ALMS1: variants seen among roughly 807,000 people sequenced by gnomAD.
The protein encoded by ALMS1 is centrosome-associated protein ALMS1.
A neutral mutation model predicts 352.2 loss-of-function variants in ALMS1; 271 were observed. That is an observed-to-expected ratio of 0.77 (90% CI 0.70 to 0.85). The LOEUF (loss-of-function observed/expected upper bound fraction) is 0.85. Among genes scored for constraint, ALMS1 ranks in the 40% least tolerant of loss-of-function variants. The pLI, the probability that ALMS1 is intolerant of heterozygous loss-of-function variation, is 0.00. For missense variants in ALMS1, 5,445 were observed against 4,870.7 expected, an observed-to-expected ratio of 1.12 and a Z score of -3.51; for synonymous variants, 1,865 against 1,761.2, an observed-to-expected ratio of 1.06 and a Z score of -1.48.
intron 9 of ALMS1, among the ~76,000 whole-genome samples, chr2:73,478,383 A>G (rs1363327587): frequency 6.6e-6 from 1 of 152,210 alleles, no homozygotes; most frequent in African/African-American, 2.4e-5. Context: ...TAGAGCATGA[A>G]GTGTTAAAAA....
At chr2:73,409,748 G>GTA (rs906119959) in intron 2 of ALMS1, among the ~76,000 whole-genome samples, 15 of 152,104 alleles carry the variant, frequency 9.9e-5, no homozygotes, top group African/African-American at 2.9e-4. Context: ...GTGTGTATGT[G>GTA]TATATATATA....
In ALMS1 at chr2:73,387,774, G is replaced by T. The variant is rs565533283; in HGVS notation, c.324+1582G>T. ...CAGCTGTGATAGCAAGGTGGGATGGGGAGCAGTAGCCATAGGTCAAGGGCA... is the reference window on the plus strand; with the variant it reads ...CAGCTGTGATAGCAAGGTGGGATGGTGAGCAGTAGCCATAGGTCAAGGGCA... On this transcript the variant is annotated intron_variant, in intron 1 of 22. Coordinates refer to ENST00000613296, the MANE Select transcript of ALMS1 (RefSeq NM_001378454.1). Among the ~76,000 whole-genome samples the T allele has an allele frequency of 3.9e-5, 6 of 152,282 alleles. No individual in the cohort carries two copies. The South Asian group carries it at 1.2e-3, about 32-fold the overall frequency.
chr2:73,493,309 G>A (rs1479157861), intron 10 of ALMS1, among the ~76,000 whole-genome samples: 1 of 149,704 alleles, frequency 6.7e-6, no homozygotes, highest in Admixed American at 6.7e-5. Flanking sequence ...TTTGAACCTA[G>A]GTTTATCAAA....
intron 11 of ALMS1, among the ~76,000 whole-genome samples, chr2:73,523,641 C>G (rs980462458): frequency 2.0e-5 from 3 of 152,116 alleles, no homozygotes; most frequent in Non-Finnish European, 4.4e-5. Context: ...ATGGCACATG[C>G]CTGTAATCCC....
At chr2:73,568,553 C>T (rs1674849545) in intron 15 of ALMS1, among the ~76,000 whole-genome samples, 1 of 152,054 alleles carries the variant, frequency 6.6e-6, no homozygotes, top group Admixed American at 6.5e-5. Flanking sequence ...CAAAATCTTG[C>T]TTTGAACAAG....
At chr2:73,588,981 A>T (rs1487288326) in intron 16 of ALMS1, among the ~76,000 whole-genome samples, 2 of 152,306 alleles carry the variant, frequency 1.3e-5, no homozygotes, top group East Asian at 3.9e-4. Context: ...CTATGTATAC[A>T]TATTATAATC....
intron 1 of ALMS1, among the ~76,000 whole-genome samples, chr2:73,404,899 CTTTTTTTTT>C (rs58122480): frequency 0.035 from 2,117 of 60,632 alleles, 13 homozygotes; most frequent in Non-Finnish European, 0.05. Context: ...TGTCCTGGAC[CTTTTTTTTT>C]TTTTTTTTTT....
At chr2:73,602,524 T>C (rs1181378083) in intron 20 of ALMS1, among the ~76,000 whole-genome samples, 156 bp downstream of exon 20, 5 of 152,292 alleles carry the variant, frequency 3.3e-5, no homozygotes, top group East Asian at 3.9e-4. Flanking sequence ...GCTAGCAGAA[T>C]CTCCCCAACT....
At chr2:73,397,411 A>G (rs1670785131) in intron 1 of ALMS1, among the ~76,000 whole-genome samples, 1 of 150,130 alleles carries the variant, frequency 6.7e-6, no homozygotes, top group African/African-American at 2.5e-5. Flanking sequence ...TGGGGATGGG[A>G]GTGATTACTT....
At position 73,579,676 on chromosome 2, in the gene ALMS1, T is replaced by C. The variant is rs567394071; in HGVS notation, c.11547+6252T>C. Among the ~76,000 whole-genome samples the C allele has an allele frequency of 3.9e-5, 6 of 152,338 alleles. No homozygotes were observed. In the East Asian group the frequency reaches 1.2e-3, roughly 29 times the overall value. Reference sequence around the variant, plus strand: ...AGGTAGATTTCTTGTCTTACACTTTTTATCTTTCATCATTTCAAATATGTC... The same window carrying C: ...AGGTAGATTTCTTGTCTTACACTTTCTATCTTTCATCATTTCAAATATGTC... On this transcript the variant is annotated intron_variant, in intron 16 of 22. Transcript: ENST00000613296.
chr2:73,386,079 G>C lies in ALMS1; in HGVS notation c.211G>C (p.Glu71Gln), dbSNP rs757131983. 3 of 1,595,902 alleles carry C rather than the reference G, an allele frequency of 1.9e-6. No individual in the cohort carries two copies. Among genetic ancestry groups the C allele is most frequent in the African/African-American group, 1.3e-5 (1 of 74,614 alleles). ...CCAGCATCTGGAAAGTATAGACGAC[G>C]AGGAGGACGAGGAGGCCAAGGCCTG... Reference protein sequence around the residue: ...GPQHLESIDDEEDEEAKAWLQ... With the variant: ...GPQHLESIDDQEDEEAKAWLQ... Residue 71 changes from glutamate to glutamine, a missense_variant, in exon 1 of 23, where the codon GAG (glutamate) becomes CAG (glutamine). Physicochemically the swap from Glu to Gln is conservative, Grantham distance 29. Coordinates refer to ENST00000613296, the MANE Select transcript of ALMS1 (RefSeq NM_001378454.1).
chr2:73,455,102 A>C, intron 8 of ALMS1, 60 bp from the exon 9 acceptor site: 1 of 1,576,958 alleles, frequency 6.3e-7, no homozygotes, highest in Non-Finnish European at 8.7e-7. Flanking sequence ...TCTGTGTTGC[A>C]ATTGTTGACA....
intron 13 of ALMS1, among the ~76,000 whole-genome samples, chr2:73,556,776 C>G (rs1188034767): frequency 6.6e-6 from 1 of 151,972 alleles, no homozygotes; most frequent in East Asian, 1.9e-4. Context: ...AGTCTCAGCT[C>G]ACTGCAGCCT....
At chr2:73,551,944 A>G (rs1674445654) in intron 13 of ALMS1, among the ~76,000 whole-genome samples, 1 of 152,136 alleles carries the variant, frequency 6.6e-6, no homozygotes, top group Non-Finnish European at 1.5e-5. Context: ...GCAGTTTTTA[A>G]ATGTAGGGTG....
intron 9 of ALMS1, among the ~76,000 whole-genome samples, chr2:73,486,972 C>T (rs1040520247): frequency 1.3e-5 from 2 of 152,150 alleles, no homozygotes; most frequent in East Asian, 3.9e-4. Flanking sequence ...GCAGGATCGC[C>T]TGAGCCTGGG....
chr2:73,429,278 C>CTTTTTTT (rs5832107), intron 6 of ALMS1, among the ~76,000 whole-genome samples: 105 of 102,672 alleles, frequency 1.0e-3, no homozygotes, highest in Non-Finnish European at 1.3e-3. Flanking sequence ...AATTAATATG[C>CTTTTTTT]TTTTTTTTTT....
At chr2:73,549,854 CGTTTGTTTGTTTGTTT>C (rs897166895) in intron 12 of ALMS1, among the ~76,000 whole-genome samples, 1 of 151,676 alleles carries the variant, frequency 6.6e-6, no homozygotes, top group Non-Finnish European at 1.5e-5. Flanking sequence ...TTTGTTTGTT[CGTTTGTTTGTTTGTTT>C]GTTTTTTAAG....
At chr2:73,436,933 T>G (rs1170040516) in intron 7 of ALMS1, among the ~76,000 whole-genome samples, 2 of 152,212 alleles carry the variant, frequency 1.3e-5, no homozygotes, top group East Asian at 3.8e-4. Flanking sequence ...CACACTTTCT[T>G]TTGCACATCT....
chr2:73,435,388 A>G (rs1671585715), intron 7 of ALMS1, among the ~76,000 whole-genome samples: 1 of 151,060 alleles, frequency 6.6e-6, no homozygotes, highest in Non-Finnish European at 1.5e-5. Context: ...TTTTAAAATG[A>G]TTTTCTAGGT....
Sources: gnomAD v4.1 joint callset for allele counts (sites outside exome capture counted in the v4.1 genomes callset) on GRCh38, gnomAD v4.1.1 for gene constraint, MANE v1.5 for transcripts, NCBI Gene and HGNC (gene_info 2026-07-23, HGNC 2026-07-21) for gene names.